CACNA1C: variants seen among roughly 807,000 people sequenced by gnomAD.
CACNA1C encodes the protein voltage-dependent L-type calcium channel subunit alpha-1C.
A neutral mutation model predicts 229.0 loss-of-function variants in CACNA1C; 30 were observed. The observed-to-expected ratio is 0.13, with a 90% CI of 0.10 to 0.18. The LOEUF (loss-of-function observed/expected upper bound fraction) is 0.18, where lower values mean the gene tolerates loss of function less well. Among genes scored for constraint, CACNA1C ranks in the 10% least tolerant of loss-of-function variants. The pLI, the probability that CACNA1C is intolerant of heterozygous loss-of-function variation, is 1.00. For synonymous variants in CACNA1C, 1,114 were observed against 1,132.5 expected, an observed-to-expected ratio of 0.98 and a Z score of 0.33; for missense variants, 1,658 against 2,845.0, an observed-to-expected ratio of 0.58 and a Z score of 9.49.
chr12:2,085,518 C>T (rs543946111), intron 1 of CACNA1C, among the ~76,000 whole-genome samples: 1 of 152,298 alleles, frequency 6.6e-6, no homozygotes, highest in South Asian at 2.1e-4. Flanking sequence ...AAGCCATTCT[C>T]AGTGCTTTTG....
chr12:2,256,115 C>G (rs1189237935), intron 3 of CACNA1C, among the ~76,000 whole-genome samples: 2 of 114,652 alleles, frequency 1.7e-5, no homozygotes, highest in Non-Finnish European at 3.7e-5. Context: ...CACTTGCACA[C>G]AACTCAGGGA....
intron 3 of CACNA1C, among the ~76,000 whole-genome samples, chr12:2,135,644 T>G (rs1391363326): frequency 4.2e-5 from 6 of 141,578 alleles, no homozygotes; most frequent in Non-Finnish European, 6.0e-5. Context: ...GGGACCCACT[T>G]GAAGAGGCAG....
chr12:2,229,234 G>A (rs1219256820), intron 3 of CACNA1C, among the ~76,000 whole-genome samples: 6 of 152,004 alleles, frequency 3.9e-5, no homozygotes, highest in Admixed American at 2.0e-4. Context: ...TTTTTACCTC[G>A]GCCTCATTGA....
intron 3 of CACNA1C, among the ~76,000 whole-genome samples, chr12:2,295,199 G>A (rs552210932): frequency 1.3e-5 from 2 of 152,248 alleles, no homozygotes; most frequent in East Asian, 3.9e-4. Flanking sequence ...TAAGCCCTTA[G>A]CAGCTTCCCT....
At chr12:2,475,536 A>C (rs2099622319) in intron 5 of CACNA1C, among the ~76,000 whole-genome samples, 1 of 152,234 alleles carries the variant, frequency 6.6e-6, no homozygotes, top group African/African-American at 2.4e-5. Flanking sequence ...AGATATGGAA[A>C]AGAACCAAAT....
At chr12:2,260,314 A>G (rs1442737037) in intron 3 of CACNA1C, among the ~76,000 whole-genome samples, 3 of 151,832 alleles carry the variant, frequency 2.0e-5, no homozygotes, top group Admixed American at 1.3e-4. Flanking sequence ...TGTCTCTACA[A>G]AAATAAAAAT....
chr12:2,528,351 C>T (rs1226607634), intron 9 of CACNA1C, among the ~76,000 whole-genome samples: 1 of 152,176 alleles, frequency 6.6e-6, no homozygotes, highest in African/African-American at 2.4e-5. Context: ...GGAGCCTGGG[C>T]CAAACCTGAT....
At chr12:2,247,688 T>C (rs1264215983) in intron 3 of CACNA1C, among the ~76,000 whole-genome samples, 2 of 152,230 alleles carry the variant, frequency 1.3e-5, no homozygotes, top group African/African-American at 4.8e-5. Flanking sequence ...AAACTTTTGC[T>C]GAAACCTTCT....
At chr12:2,690,783 C>T (rs2097773370) in intron 46 of CACNA1C, 117 bp from the exon 47 acceptor site, 1 of 997,522 alleles carries the variant, frequency 1.0e-6, no homozygotes, top group Non-Finnish European at 1.5e-6. Flanking sequence ...CGTGCACACA[C>T]GCACACTTCC....
At chr12:2,040,246 G>C (rs997503400) in intron 1 of CACNA1C, among the ~76,000 whole-genome samples, 3 of 152,056 alleles carry the variant, frequency 2.0e-5, no homozygotes, top group Admixed American at 2.0e-4. Flanking sequence ...GTCTTTGTGT[G>C]ATAGGAAATG....
At chr12:2,535,532 C>T (rs58159500) in intron 9 of CACNA1C, among the ~76,000 whole-genome samples, 3 of 133,450 alleles carry the variant, frequency 2.2e-5, no homozygotes, top group Admixed American at 7.5e-5. Context: ...AACCCCATCT[C>T]TATTAAAAAA....
chr12:2,449,753 A>G, intron 4 of CACNA1C, among the ~76,000 whole-genome samples: 1 of 152,168 alleles, frequency 6.6e-6, no homozygotes, highest in Non-Finnish European at 1.5e-5. Flanking sequence ...CTGCTTAAGG[A>G]CTTTCGTTTC....
chr12:2,224,539 G>C (rs1287090695), intron 3 of CACNA1C, among the ~76,000 whole-genome samples: 5 of 152,212 alleles, frequency 3.3e-5, no homozygotes, highest in African/African-American at 1.2e-4. Flanking sequence ...AGGGTGGTCA[G>C]CTGCATTGCA....
intron 3 of CACNA1C, among the ~76,000 whole-genome samples, chr12:2,205,160 A>G (rs919013630): frequency 5.9e-5 from 9 of 152,090 alleles, no homozygotes; most frequent in African/African-American, 2.2e-4. Context: ...CAGACTTTCT[A>G]GAAGGAAGCC....
intron 3 of CACNA1C, among the ~76,000 whole-genome samples, chr12:2,126,605 G>A (rs80205711): frequency 1.3e-5 from 2 of 152,170 alleles, no homozygotes; most frequent in Non-Finnish European, 2.9e-5. Flanking sequence ...GAGAGAAGAC[G>A]GGATGAGGCC....
chr12:2,585,783 A>T lies in CACNA1C; in HGVS notation c.2461-52A>T, dbSNP rs1168400579. 1.5e-6 allele frequency: 2 copies of T among 1,356,116 alleles called. No individual in the cohort carries two copies. The highest frequency in any genetic ancestry group is 2.9e-5 in the African/African-American group (2 of 68,938). The allele number at this position is 1,356,116 out of a possible 1,614,324, so 84.0% of individuals were successfully genotyped here. ...CTTCAAGGCTACTGCAAGCCTCTTA[A>T]CTTGGGGACGTATCTAACTATTCTT... On this transcript the variant is annotated intron_variant, in intron 17 of 46. Coordinates refer to ENST00000399655, the MANE Select transcript of CACNA1C (RefSeq NM_000719.7). The surrounding 1 kb of genome is among the most constrained non-coding windows in gnomAD (Gnocchi z 4.1).
At chr12:2,534,711 C>T (rs75120762) in intron 9 of CACNA1C, among the ~76,000 whole-genome samples, 8,463 of 152,220 alleles carry the variant, frequency 0.056, 324 homozygotes, top group African/African-American at 0.11. Context: ...CATTAGGGCA[C>T]GATCTTCCCC....
intron 3 of CACNA1C, among the ~76,000 whole-genome samples, chr12:2,272,119 C>G (rs1362404885): frequency 6.6e-6 from 1 of 152,170 alleles, no homozygotes; most frequent in Admixed American, 6.5e-5. Flanking sequence ...CTCACAACCC[C>G]TCAGTGAGTT....
chr12:2,510,334 A>G (rs2099780910), intron 8 of CACNA1C, among the ~76,000 whole-genome samples: 1 of 152,174 alleles, frequency 6.6e-6, no homozygotes, highest in Non-Finnish European at 1.5e-5. Flanking sequence ...CTCATCTTCC[A>G]TCCAGCCTCA....
Sources: gnomAD v4.1 joint callset for allele counts (sites outside exome capture counted in the v4.1 genomes callset) on GRCh38, gnomAD v4.1.1 for gene constraint, Gnocchi (gnomAD v3.1) non-coding constraint, MANE v1.5 for transcripts, NCBI Gene and HGNC (gene_info 2026-07-23, HGNC 2026-07-21) for gene names.